FNDC3B: variants seen among roughly 807,000 people sequenced by gnomAD.
The protein encoded by FNDC3B is fibronectin type III domain containing 3B.
In FNDC3B, 12 loss-of-function variants were observed where a neutral mutation model predicts 151.5. The observed-to-expected ratio is 0.08, with a 90% CI of 0.05 to 0.13. The LOEUF (loss-of-function observed/expected upper bound fraction) is 0.13, where lower values mean the gene tolerates loss of function less well. Ranked by LOEUF, FNDC3B falls within the 10% of genes least tolerant of loss-of-function variation. The pLI, the probability that FNDC3B is intolerant of heterozygous loss-of-function variation, is 1.00. For missense variants in FNDC3B, 1,214 were observed against 1,505.3 expected (o/e 0.81, Z 3.20); for synonymous variants, 528 against 549.0 (o/e 0.96, Z 0.54).
intron 3 of FNDC3B, among the ~76,000 whole-genome samples, chr3:172,191,682 A>C (rs568871042): frequency 3.3e-5 from 5 of 152,014 alleles, no homozygotes; most frequent in African/African-American, 1.2e-4. Context: ...TTTTTTGTAG[A>C]GATGGGGTCT....
intron 4 of FNDC3B, among the ~76,000 whole-genome samples, chr3:172,242,583 G>T (rs1273069036): frequency 6.6e-6 from 1 of 152,178 alleles, no homozygotes; most frequent in African/African-American, 2.4e-5. Context: ...GCCCCTTTCA[G>T]TCATGACTGG....
At chr3:172,376,978 C>T (rs1735181014) in intron 23 of FNDC3B, among the ~76,000 whole-genome samples, 1 of 152,228 alleles carries the variant, frequency 6.6e-6, no homozygotes, top group Admixed American at 6.5e-5. Context: ...AAAGCTGCTG[C>T]CCTGCTTCAG....
rs574048042 is a variant in FNDC3B at position 172,335,112 on chromosome 3, T to G, written c.1780+30T>G. The G allele has an allele frequency of 2.0e-5, 30 of 1,520,372 alleles. No individual in the cohort carries two copies. The South Asian group carries it at 2.3e-4, about 12-fold the overall frequency. The allele number at this position is 1,520,372 out of a possible 1,614,324, so 94.2% of individuals were successfully genotyped here. A position where few individuals can be genotyped will look rare whatever the true frequency, so the allele number is the denominator to read the frequency against. ...GTTTTGCTGCTGCTGCTACTGTTTTTTTTTTTTTTTTCTTTTGATAGATTT... is the reference window on the plus strand; with the variant it reads ...GTTTTGCTGCTGCTGCTACTGTTTTGTTTTTTTTTTTCTTTTGATAGATTT... On this transcript the variant is annotated intron_variant, in intron 15 of 25. Transcript: ENST00000415807.
intron 25 of FNDC3B, among the ~76,000 whole-genome samples, chr3:172,384,904 C>T (rs34372985): frequency 0.15 from 22,219 of 152,138 alleles, 1,833 homozygotes; most frequent in Middle Eastern, 0.21. Context: ...ACAAAGTGTT[C>T]CTTGTTGTAA....
At chr3:172,118,360 T>C (rs973983784) in intron 2 of FNDC3B, among the ~76,000 whole-genome samples, 2 of 152,366 alleles carry the variant, frequency 1.3e-5, no homozygotes, top group African/African-American at 4.8e-5. Context: ...TCCTTAAATA[T>C]ACTGATAGCC....
intron 1 of FNDC3B, among the ~76,000 whole-genome samples, chr3:172,099,800 C>G (rs1719289895): frequency 6.6e-6 from 1 of 152,110 alleles, no homozygotes; most frequent in Non-Finnish European, 1.5e-5. Context: ...TCCTTTAGAC[C>G]CTGTCAGGTG....
intron 6 of FNDC3B, among the ~76,000 whole-genome samples, chr3:172,275,276 T>C (rs903959337): frequency 6.6e-6 from 1 of 152,172 alleles, no homozygotes; most frequent in Admixed American, 6.5e-5. Flanking sequence ...ACTGCATCTT[T>C]AAATAGAACA....
Position 172,401,607 on chromosome 3 carries a change from C to G in FNDC3B, c.*4132C>G, listed in dbSNP as rs565323689. ...CTCTATAGAGTGTTCATGTCCTTTC[C>G]TGCAGGTCTCATTCAACAACAACAA... On this transcript the variant is annotated 3_prime_UTR_variant, in exon 26 of 26. Coordinates refer to ENST00000415807, the MANE Select transcript of FNDC3B (RefSeq NM_022763.4). 81 of 152,350 alleles carry G rather than the reference C, an allele frequency of 5.3e-4. No individual in the cohort carries two copies. The highest frequency in any genetic ancestry group is 1.9e-3 in the African/African-American group (79 of 41,566). 9.4% of individuals were successfully genotyped at this position (152,350 alleles called of 1,614,324 possible).
intron 23 of FNDC3B, among the ~76,000 whole-genome samples, chr3:172,372,059 C>T (rs1734906668): frequency 6.6e-6 from 1 of 152,264 alleles, no homozygotes; most frequent in South Asian, 2.1e-4. Flanking sequence ...CTTATCGTAC[C>T]CACTTTACAG....
At chr3:172,179,434 T>G (rs914372438) in intron 3 of FNDC3B, among the ~76,000 whole-genome samples, 1 of 152,192 alleles carries the variant, frequency 6.6e-6, no homozygotes, top group Non-Finnish European at 1.5e-5. Flanking sequence ...ACATTCATAT[T>G]AAAAGCAAAA....
At chr3:172,259,419 C>T (rs1350372475) in intron 6 of FNDC3B, among the ~76,000 whole-genome samples, 3 of 152,144 alleles carry the variant, frequency 2.0e-5, no homozygotes, top group South Asian at 4.1e-4. Flanking sequence ...AGGGGCCGAG[C>T]GCACTTGAAC....
At position 172,067,425 on chromosome 3, in the gene FNDC3B, A is replaced by C. The variant is rs560575995; in HGVS notation, c.-29+27654A>C. 4.6e-5 allele frequency among the ~76,000 whole-genome samples: 7 copies of C among 152,274 alleles called. 2 individuals are homozygous for C. The highest frequency in any genetic ancestry group is 1.7e-4 in the African/African-American group (7 of 41,556). ...TCTGTGAGGCTTTTCTGCGTTCACT[A>C]AGGCACCAGAGTCGGACTCTGCTTT... is the stretch of plus-strand genomic sequence containing the variant. On this transcript the variant is annotated intron_variant, in intron 1 of 25. Coordinates refer to ENST00000415807, the MANE Select transcript of FNDC3B (RefSeq NM_022763.4).
intron 25 of FNDC3B, among the ~76,000 whole-genome samples, chr3:172,384,943 C>T (rs566633444): frequency 6.6e-6 from 1 of 152,300 alleles, no homozygotes; most frequent in Non-Finnish European, 1.5e-5. Flanking sequence ...TACTGCACGG[C>T]AGGCTCAGCA....
intron 25 of FNDC3B, among the ~76,000 whole-genome samples, chr3:172,395,821 C>T (rs1285081): frequency 0.42 from 63,660 of 152,072 alleles, 15,627 homozygotes; most frequent in Non-Finnish European, 0.56. Context: ...CCAGTAAGCA[C>T]GTGAAAAGAT....
At chr3:172,360,163 T>C (rs909974960) in intron 22 of FNDC3B, among the ~76,000 whole-genome samples, 75 of 152,198 alleles carry the variant, frequency 4.9e-4, no homozygotes, top group African/African-American at 1.7e-3. Flanking sequence ...TTTTTTAACA[T>C]AATGGTATTA....
intron 1 of FNDC3B, among the ~76,000 whole-genome samples, chr3:172,106,813 T>C (rs186822320): frequency 2.2e-4 from 33 of 152,260 alleles, no homozygotes; most frequent in Middle Eastern, 3.4e-3. Flanking sequence ...CAAAGTACCA[T>C]GGAAAATCTT....
At chr3:172,255,438 T>G (rs1251819618) in intron 6 of FNDC3B, among the ~76,000 whole-genome samples, 1 of 151,986 alleles carries the variant, frequency 6.6e-6, no homozygotes, top group Non-Finnish European at 1.5e-5. Flanking sequence ...TTGGCTAACT[T>G]TTTGCATTTT....
chr3:172,156,629 T>G (rs1232750749), intron 3 of FNDC3B, among the ~76,000 whole-genome samples: 1 of 152,128 alleles, frequency 6.6e-6, no homozygotes, highest in African/African-American at 2.4e-5. Flanking sequence ...CTTTGCTAAT[T>G]GAACCTGGAA....
At chr3:172,393,320 C>T (rs1384690542) in intron 25 of FNDC3B, among the ~76,000 whole-genome samples, 1 of 152,062 alleles carries the variant, frequency 6.6e-6, no homozygotes, top group East Asian at 1.9e-4. Flanking sequence ...ATCAATTCAT[C>T]AAGAGGATAT....
Sources: gnomAD v4.1 joint callset for allele counts (sites outside exome capture counted in the v4.1 genomes callset) on GRCh38, gnomAD v4.1.1 for gene constraint, MANE v1.5 for transcripts, NCBI Gene and HGNC (gene_info 2026-07-23, HGNC 2026-07-21) for gene names.